GPI: variants seen among roughly 807,000 people sequenced by gnomAD.
GPI encodes the protein D-hexose-6-phosphate anomerase.
In GPI, 56 loss-of-function variants were observed where a neutral mutation model predicts 75.8. The ratio of observed to expected loss-of-function variants is 0.74; its 90% CI spans 0.60 to 0.92. The LOEUF (loss-of-function observed/expected upper bound fraction) is 0.92. Ranked by LOEUF, GPI falls within the 40% of genes least tolerant of loss-of-function variation. The pLI is 0.00. For synonymous variants in GPI, 288 were observed against 285.4 expected (o/e 1.01, Z -0.09); for missense variants, 638 against 741.0 (o/e 0.86, Z 1.61).
chr19:34,370,716 C>A (rs185033884), intron 4 of GPI, among the ~76,000 whole-genome samples: 1 of 151,122 alleles, frequency 6.6e-6, no homozygotes, highest in African/African-American at 2.4e-5. Flanking sequence ...CAGAGTGAGG[C>A]TCTGTCTCAA....
intron 9 of GPI, among the ~76,000 whole-genome samples, chr19:34,387,562 T>C (rs951862165): frequency 2.0e-5 from 3 of 151,964 alleles, no homozygotes; most frequent in Non-Finnish European, 4.4e-5. Flanking sequence ...ACATTGGCAG[T>C]GAGTCCATGG....
intron 14 of GPI, chr19:34,397,167 G>C (rs779577789): frequency 2.6e-5 from 5 of 190,804 alleles, no homozygotes; most frequent in Non-Finnish European, 5.5e-5. Context: ...TCTCTGCTTA[G>C]AGTCTTGCAG....
intron 9 of GPI, among the ~76,000 whole-genome samples, chr19:34,387,516 C>G (rs1170569247): frequency 6.6e-6 from 1 of 151,856 alleles, no homozygotes; most frequent in Non-Finnish European, 1.5e-5. Context: ...GTCAGTGAGT[C>G]TGTGGATCCA....
At position 34,401,017 on chromosome 19, in the gene GPI, C is replaced by G. The variant is rs928778169; in HGVS notation, c.*981C>G. The G allele has an allele frequency of 5.7e-6, 1 of 174,002 alleles. No homozygotes were observed. The highest frequency in any genetic ancestry group is 1.2e-5 in the Non-Finnish European group (1 of 83,510). The allele number at this position is 174,002 out of a possible 1,614,324, so 10.8% of individuals were successfully genotyped here. ...CTGGGATTACAGGTATGAGCCACCA[C>G]GCCCGGCCCATTTTTTTTTTTTTTT... On this transcript the variant is annotated 3_prime_UTR_variant, in exon 18 of 18. Coordinates refer to ENST00000356487, the MANE Select transcript of GPI (RefSeq NM_000175.5).
chr19:34,385,367 A>C (rs1182523278), intron 9 of GPI, among the ~76,000 whole-genome samples: 9 of 151,776 alleles, frequency 5.9e-5, no homozygotes, highest in Non-Finnish European at 8.8e-5. Flanking sequence ...AAACAAAAAA[A>C]AAAAAAAAAG....
At chr19:34,396,275 G>T in intron 12 of GPI, 26 bp from the exon 13 acceptor site, 1 of 1,613,756 alleles carries the variant, frequency 6.2e-7, no homozygotes, top group South Asian at 1.1e-5. Context: ...ATTTTGCCAA[G>T]AACTGGGTTT....
upstream of GPI, among the ~76,000 whole-genome samples, chr19:34,362,685 A>G (rs931509707): frequency 6.6e-6 from 1 of 152,186 alleles, no homozygotes; most frequent in Non-Finnish European, 1.5e-5. Flanking sequence ...GCCTGGCCCC[A>G]GGAACCTGGG....
At position 34,400,886 on chromosome 19, in the gene GPI, C is replaced by A; in HGVS notation, c.*850C>A. ...ATTACACGGCGCACACCACCATACC[C>A]AGCTAATTTTTGTATTTTTAGTAGT... On this transcript the variant is annotated 3_prime_UTR_variant, in exon 18 of 18. Transcript: ENST00000356487. The A allele has an allele frequency of 3.1e-6, 1 of 318,954 alleles. No homozygotes were observed. Among genetic ancestry groups the A allele is most frequent in the Admixed American group, 5.0e-5 (1 of 20,086 alleles). 19.8% of individuals were successfully genotyped at this position (318,954 alleles called of 1,614,324 possible).
At chr19:34,383,813 A>G (rs543543674) in intron 9 of GPI, among the ~76,000 whole-genome samples, 50 of 152,336 alleles carry the variant, frequency 3.3e-4, no homozygotes, top group Admixed American at 1.4e-3. Context: ...CAGGGCAGAC[A>G]TCAAGGCTGA....
chr19:34,366,123 T>G (rs754610871), intron 1 of GPI: 3 of 695,788 alleles, frequency 4.3e-6, no homozygotes, highest in Non-Finnish European at 7.9e-6. Context: ...AGGGTCTGCC[T>G]GCATCTACGG....
chr19:34,366,789 TC>T lies in GPI; in HGVS notation c.222del (p.Arg75GlyfsTer39). 1 of 1,612,532 alleles carries T rather than the reference TC, an allele frequency of 6.2e-7. No homozygotes were observed. The highest frequency in any genetic ancestry group is 8.5e-7 in the Non-Finnish European group (1 of 1,179,354). On this transcript the variant is annotated frameshift_variant, in exon 3 of 18. Coordinates refer to ENST00000356487, the MANE Select transcript of GPI (RefSeq NM_000175.5). LOFTEE classifies it high-confidence loss of function. ...VMRMLVDLAK[S>X]RGVEAARERM... ...CAGTATCGTCTCTTCCTAGGCCAAG[TC>T]CAGGGGCGTGGAGGCCGCCCGGGAG...
intron 8 of GPI, 55 bp from the exon 9 acceptor site, chr19:34,381,411 A>G: frequency 1.7e-6 from 2 of 1,206,504 alleles, no homozygotes; most frequent in Middle Eastern, 3.8e-4. Context: ...TCCTGTTCCC[A>G]TCCCGCTAGC....
At chr19:34,375,989 G>A (rs1011205486) in intron 4 of GPI, among the ~76,000 whole-genome samples, 3 of 152,166 alleles carry the variant, frequency 2.0e-5, no homozygotes, top group Non-Finnish European at 4.4e-5. Flanking sequence ...ACATCTCTTG[G>A]TCTCTGGCAT....
chr19:34,390,377 G>A (rs893093526), intron 9 of GPI, among the ~76,000 whole-genome samples: 3 of 152,316 alleles, frequency 2.0e-5, no homozygotes, highest in Non-Finnish European at 4.4e-5. Flanking sequence ...GCATACCTGG[G>A]CACAAGTATG....
upstream of GPI, among the ~76,000 whole-genome samples, chr19:34,361,727 T>A (rs899813870): frequency 7.2e-5 from 11 of 152,208 alleles, no homozygotes; most frequent in Admixed American, 4.6e-4. Flanking sequence ...ATGCCTGTAA[T>A]CCCAGCACTT....
At chr19:34,365,991 G>A in intron 1 of GPI, 1 of 538,256 alleles carries the variant, frequency 1.9e-6, no homozygotes, top group Non-Finnish European at 3.6e-6. Context: ...AGCGACTGTG[G>A]CTCCGGGCTA....
intron 4 of GPI, among the ~76,000 whole-genome samples, chr19:34,377,120 G>A (rs2074549335): frequency 6.6e-6 from 1 of 150,812 alleles, no homozygotes; most frequent in South Asian, 2.1e-4. Flanking sequence ...GGCTAACACG[G>A]TGAAACCCTG....
rs929811872 is a variant in GPI, at chr19:34,399,590, T to C, written c.1433T>C (p.Val478Ala). 3 of 1,614,028 alleles carry C rather than the reference T, an allele frequency of 1.9e-6. No individual in the cohort carries two copies. Among genetic ancestry groups the C allele is most frequent in the Non-Finnish European group, 1.7e-6 (2 of 1,180,026 alleles). ...GGAAATCGCCCAACCAACTCTATTG[T>C]GTTCACCAAGCTCACACCATTCATG... Reference protein sequence around the residue: ...FEGNRPTNSIVFTKLTPFMLG... With the variant: ...FEGNRPTNSIAFTKLTPFMLG... Residue 478 changes from valine (V) to alanine (A), a missense_variant, in exon 16 of 18, where the codon GTG (valine) becomes GCG (alanine). By Grantham distance (64) the Val-to-Ala change is moderately conservative (BLOSUM62 0). Transcript: ENST00000356487.
intron 6 of GPI, 31 bp from the exon 7 acceptor site, chr19:34,378,903 G>A (rs377387069): frequency 1.6e-5 from 26 of 1,585,844 alleles, no homozygotes; most frequent in Middle Eastern, 3.3e-4. Context: ...CCCTAAGCTC[G>A]GGCGCCCACT....
Sources: allele counts gnomAD v4.1 joint callset (sites outside exome capture counted in the v4.1 genomes callset), GRCh38; gene constraint gnomAD v4.1.1; transcripts MANE v1.5; gene names NCBI Gene and HGNC (gene_info 2026-07-23, HGNC 2026-07-21).